CPEB3: variants seen among roughly 807,000 people sequenced by gnomAD.
CPEB3 encodes the protein cytoplasmic polyadenylation element-binding protein 3.
CPEB3 carries 20 observed loss-of-function variants against 67.2 expected under a neutral mutation model. The observed-to-expected ratio is 0.30, with a 90% CI of 0.21 to 0.43. The LOEUF is 0.43. CPEB3 is among the 20% of genes least tolerant of loss of function. The pLI, the probability that CPEB3 is intolerant of heterozygous loss-of-function variation, is 1.00. For missense variants in CPEB3, 746 were observed against 968.6 expected (o/e 0.77, Z 3.05); for synonymous variants, 376 against 393.1 (o/e 0.96, Z 0.51).
intron 4 of CPEB3, among the ~76,000 whole-genome samples, chr10:92,172,299 A>AAACACAAAACAAAAAACAAG (rs1848039788): frequency 1.3e-5 from 2 of 152,130 alleles, no homozygotes; most frequent in African/African-American, 4.8e-5. Context: ...AGACAACAAC[A>AAACACAAAACAAAAAACAAG]ACAAAAAAAA....
intron 1 of CPEB3, among the ~76,000 whole-genome samples, chr10:92,248,306 T>C (rs76912439): frequency 0.022 from 3,423 of 152,354 alleles, 116 homozygotes; most frequent in African/African-American, 0.078. Context: ...AGTTTGTACG[T>C]GTTCAGTACA....
At chr10:92,250,021 CATAT>C (rs139850091) in intron 1 of CPEB3, among the ~76,000 whole-genome samples, 2 of 146,256 alleles carry the variant, frequency 1.4e-5, no homozygotes, top group Non-Finnish European at 1.5e-5. Context: ...GACTCCATCT[CATAT>C]ATATATATAT....
In CPEB3 at chr10:92,051,069, A is replaced by G. The variant is rs930706532; in HGVS notation, c.*1143T>C. The G allele has an allele frequency of 1.3e-5, 2 of 152,584 alleles. No individual in the cohort carries two copies. The highest frequency in any genetic ancestry group is 1.3e-4 in the Admixed American group (2 of 15,266). 9.5% of individuals were successfully genotyped at this position (152,584 alleles called of 1,614,324 possible). A position where few individuals can be genotyped will look rare whatever the true frequency, so the allele number is the denominator to read the frequency against. Reference sequence around the variant, plus strand: ...CAGAGCACCGCAAAGTACTTCATCTACCATCCACAAATTTGCTTGAAGAAT... The same window carrying G: ...CAGAGCACCGCAAAGTACTTCATCTGCCATCCACAAATTTGCTTGAAGAAT... On this transcript the variant is annotated 3_prime_UTR_variant, in exon 10 of 10. Transcript: ENST00000265997.
At chr10:92,135,750 T>G (rs1304155614) in intron 6 of CPEB3, among the ~76,000 whole-genome samples, 1 of 152,126 alleles carries the variant, frequency 6.6e-6, no homozygotes, top group African/African-American at 2.4e-5. Context: ...AGCAAAGACT[T>G]GGAGCCAACC....
intron 9 of CPEB3, among the ~76,000 whole-genome samples, chr10:92,061,243 AC>A (rs1370089596): frequency 1.3e-5 from 2 of 151,838 alleles, no homozygotes; most frequent in East Asian, 3.9e-4. Flanking sequence ...ACATGGTAAA[AC>A]CCTGTTTCTA....
At position 92,258,625 on chromosome 10, in the gene CPEB3, AATATAT is replaced by A. The variant is rs56316802; in HGVS notation, c.-11-18270_-11-18265del. ...TTCCAGACTTCAATTATATTTTTTGAATATATATATATATATATATATATATATATA... is the reference window on the plus strand; with the variant it reads ...TTCCAGACTTCAATTATATTTTTTGAATATATATATATATATATATATATA... On this transcript the variant is annotated intron_variant, in intron 1 of 9. Coordinates refer to ENST00000265997, the MANE Select transcript of CPEB3 (RefSeq NM_014912.5). 8.7e-3 allele frequency among the ~76,000 whole-genome samples: 285 copies of A among 32,684 alleles called. 3 individuals are homozygous for A. Among genetic ancestry groups the A allele is most frequent in the East Asian group, 0.03 (19 of 628 alleles). The allele number at this position is 32,684 out of a possible 152,430, so 21.4% of individuals were successfully genotyped here.
intron 6 of CPEB3, among the ~76,000 whole-genome samples, chr10:92,111,921 T>C (rs961462643): frequency 3.3e-5 from 5 of 152,220 alleles, no homozygotes; most frequent in Non-Finnish European, 7.3e-5. Context: ...TTTTGCCTGC[T>C]ATTTCTGATG....
chr10:92,107,602 A>T (rs1266981852), intron 7 of CPEB3, among the ~76,000 whole-genome samples: 1 of 152,154 alleles, frequency 6.6e-6, no homozygotes, highest in East Asian at 1.9e-4. Flanking sequence ...CTTTGATGAG[A>T]GGGACCACTG....
At chr10:92,065,714 C>T (rs1842519950) in intron 9 of CPEB3, among the ~76,000 whole-genome samples, 1 of 152,106 alleles carries the variant, frequency 6.6e-6, no homozygotes, top group Non-Finnish European at 1.5e-5. Context: ...AAGAGTACAT[C>T]TGGGACTCAG....
At chr10:92,280,694 A>T (rs1842245696) in intron 1 of CPEB3, among the ~76,000 whole-genome samples, 2 of 149,664 alleles carry the variant, frequency 1.3e-5, no homozygotes, top group Non-Finnish European at 3.0e-5. Context: ...AAACACAAAT[A>T]TAAATAAATA....
intron 2 of CPEB3, among the ~76,000 whole-genome samples, chr10:92,212,167 C>A (rs1190274431): frequency 6.6e-6 from 1 of 151,666 alleles, no homozygotes; most frequent in African/African-American, 2.4e-5. Context: ...AGGCAGGAGC[C>A]ACCGTGCCCA....
At chr10:92,163,961 C>G (rs182353050) in intron 4 of CPEB3, among the ~76,000 whole-genome samples, 1 of 152,160 alleles carries the variant, frequency 6.6e-6, no homozygotes, top group Non-Finnish European at 1.5e-5. Flanking sequence ...TTCTCTTTTA[C>G]TCTTACACAT....
intron 2 of CPEB3, 117 bp from the exon 3 acceptor site, chr10:92,192,753 C>G (rs746979426): frequency 1.6e-6 from 1 of 640,622 alleles, no homozygotes; most frequent in Non-Finnish European, 2.5e-6. Flanking sequence ...AGAGCCCCAA[C>G]AGCATACAGT....
chr10:92,224,747 G>A (rs1164227903), intron 2 of CPEB3, among the ~76,000 whole-genome samples: 1 of 151,798 alleles, frequency 6.6e-6, no homozygotes, highest in Non-Finnish European at 1.5e-5. Flanking sequence ...CAGGAAGGCT[G>A]AGGCAGGAGG....
chr10:92,225,709 C>T (rs1425727506), intron 2 of CPEB3, among the ~76,000 whole-genome samples: 1 of 152,068 alleles, frequency 6.6e-6, no homozygotes, highest in Non-Finnish European at 1.5e-5. Context: ...ACAGAATGAT[C>T]TCCACTATGT....
At chr10:92,064,549 T>C (rs1842476804) in intron 9 of CPEB3, among the ~76,000 whole-genome samples, 1 of 152,196 alleles carries the variant, frequency 6.6e-6, no homozygotes, top group African/African-American at 2.4e-5. Flanking sequence ...TCAGGCTTTA[T>C]CAACAGAGGC....
intron 7 of CPEB3, among the ~76,000 whole-genome samples, chr10:92,103,144 ATAGGG>A (rs1844274621): frequency 6.6e-6 from 1 of 152,156 alleles, no homozygotes; most frequent in African/African-American, 2.4e-5. Flanking sequence ...GGGTAGGAAA[ATAGGG>A]TATATTTTGG....
In CPEB3 at chr10:92,240,283, T is replaced by TGCTGCC; in HGVS notation, c.62_67dup (p.Arg21_Gln22dup). On this transcript the variant is annotated inframe_insertion, in exon 2 of 10. Coordinates refer to ENST00000265997, the MANE Select transcript of CPEB3 (RefSeq NM_014912.5). ...GCTGGACTCAGGTTGGGGCTGCTGC[T>TGCTGCC]GCTGCCGCTGCTGCTGCTGGGGCTG... The TGCTGCC allele has an allele frequency of 2.0e-6, 3 of 1,516,044 alleles. No homozygotes were observed. The highest frequency in any genetic ancestry group is 2.7e-6 in the Non-Finnish European group (3 of 1,130,770). The allele number at this position is 1,516,044 out of a possible 1,614,324, so 93.9% of individuals were successfully genotyped here. A position where few individuals can be genotyped will look rare whatever the true frequency, so the allele number is the denominator to read the frequency against.
At chr10:92,126,987 AT>A (rs1366807429) in intron 6 of CPEB3, among the ~76,000 whole-genome samples, 1 of 152,226 alleles carries the variant, frequency 6.6e-6, no homozygotes, top group African/African-American at 2.4e-5. Context: ...CCTGAAGGTC[AT>A]TGAGCCAAGT....
Sources: gnomAD v4.1 joint callset for allele counts (sites outside exome capture counted in the v4.1 genomes callset) on GRCh38, gnomAD v4.1.1 for gene constraint, MANE v1.5 for transcripts, NCBI Gene and HGNC (gene_info 2026-07-23, HGNC 2026-07-21) for gene names.